The following ANKMY1 variants were observed in gnomAD, a reference collection of about 807,000 sequenced individuals.
The protein encoded by ANKMY1 is ankyrin repeat and MYND domain containing 1, also known as ankyrin repeat and MYND domain-containing protein 1.
A neutral mutation model predicts 102.0 loss-of-function variants in ANKMY1; 98 were observed. The ratio of observed to expected loss-of-function variants is 0.96; its 90% CI spans 0.82 to 1.14. ANKMY1 has a LOEUF of 1.14. Ranked by LOEUF, ANKMY1 falls within the 50% of genes most tolerant of loss-of-function variation. ANKMY1 has a pLI of 0.00. For synonymous variants in ANKMY1, 582 were observed against 559.9 expected (o/e 1.04, Z -0.56); for missense variants, 1,330 against 1,347.6 (o/e 0.99, Z 0.20).
upstream of ANKMY1, chr2:240,560,753 G>T (rs760505115): frequency 6.7e-7 from 1 of 1,500,416 alleles, no homozygotes. Context: ...TGCGCGTCGC[G>T]CCCTCACTCT....
chr2:240,485,347 C>CAAAA (rs1384614782), intron 15 of ANKMY1, among the ~76,000 whole-genome samples: 1 of 146,024 alleles, frequency 6.8e-6, no homozygotes, highest in Non-Finnish European at 1.5e-5. Context: ...AAAAAAGAAA[C>CAAAA]AAAAATAGTC....
chr2:240,474,250 C>T, the ANKMY1 span, among the ~76,000 whole-genome samples: 1 of 149,476 alleles, frequency 6.7e-6, no homozygotes, highest in African/African-American at 2.5e-5. Context: ...CGCCCACCAC[C>T]ATGCCTGGCT....
chr2:240,546,592 C>G (rs2090425142), intron 4 of ANKMY1, among the ~76,000 whole-genome samples: 1 of 152,178 alleles, frequency 6.6e-6, no homozygotes, highest in Non-Finnish European at 1.5e-5. Flanking sequence ...CAAGACCCAT[C>G]AGTGTGCTGT....
chr2:240,526,246 C>T lies in ANKMY1; in HGVS notation c.1153G>A (p.Val385Met), dbSNP rs766821449. ...ADVADAKGYT[V>M]LAAAATHCHN... is the part of the protein sequence containing the mutation. The stretch of plus-strand genomic sequence containing the variant: ...GGGCTTACAGCAGCCGCAGCAAGCA[C>T]AGTGTAGCCCTTTGCGTCCGCCACG... Residue 385 changes from valine (V) to methionine (M), a missense_variant, in exon 6 of 18, where the codon GTG (valine) becomes ATG (methionine). Transcript: ENST00000401804. The T allele has an allele frequency of 1.2e-6, 2 of 1,614,082 alleles. No individual in the cohort carries two copies. Among genetic ancestry groups the T allele is most frequent in the Non-Finnish European group, 1.7e-6 (2 of 1,180,012 alleles).
intron 9 of ANKMY1, among the ~76,000 whole-genome samples, chr2:240,516,622 AT>A (rs1459322472): frequency 6.6e-6 from 1 of 152,224 alleles, no homozygotes. Flanking sequence ...AACTTTTGTC[AT>A]CCACAATTAT....
intron 13 of ANKMY1, 21 bp downstream of exon 13, chr2:240,507,539 C>A (rs1247601382): frequency 1.9e-6 from 3 of 1,594,242 alleles, no homozygotes; most frequent in Non-Finnish European, 2.6e-6. Context: ...ACCAGGGCCA[C>A]CCCAGCCTCC....
chr2:240,473,921 G>A, the ANKMY1 span, among the ~76,000 whole-genome samples: 2 of 152,122 alleles, frequency 1.3e-5, no homozygotes, highest in Non-Finnish European at 2.9e-5. Context: ...ACTCAATAGT[G>A]AAAAGCTGAA....
At chr2:240,485,320 T>C (rs2075919769) in intron 15 of ANKMY1, among the ~76,000 whole-genome samples, 1 of 132,442 alleles carries the variant, frequency 7.6e-6, no homozygotes, top group Non-Finnish European at 1.6e-5. Context: ...AGAGCGAGAC[T>C]CCGTCTCAAA....
chr2:240,496,989 T>C (rs1376417937), intron 15 of ANKMY1, among the ~76,000 whole-genome samples: 3 of 152,252 alleles, frequency 2.0e-5, no homozygotes, highest in African/African-American at 7.2e-5. Context: ...TAGTTTCACC[T>C]ATATTTCCAG....
intron 12 of ANKMY1, 101 bp downstream of exon 12, chr2:240,509,247 A>AGATC: frequency 1.0e-6 from 1 of 991,614 alleles, no homozygotes; most frequent in Non-Finnish European, 1.5e-6. Flanking sequence ...ATGGATGGAT[A>AGATC]AATGGCCAAC....
At chr2:240,526,949 G>A in intron 5 of ANKMY1, 7 of 1,053,088 alleles carry the variant, frequency 6.6e-6, no homozygotes, top group East Asian at 8.0e-5. Flanking sequence ...TCACAATCGA[G>A]AACCTGTGCA....
Position 240,500,572 on chromosome 2 carries a change from A to G in ANKMY1, c.2527-7T>C. On this transcript the variant is annotated splice_polypyrimidine_tract_variant and splice_region_variant and intron_variant, in intron 13 of 17. Coordinates refer to ENST00000401804, the MANE Select transcript of ANKMY1 (RefSeq NM_001282771.3). Reference sequence around the variant, plus strand: ...GACTGATGAGTCGGTCAATCTGTGGAGAACAGAACCAGGTCAAACACGCAA... The same window carrying G: ...GACTGATGAGTCGGTCAATCTGTGGGGAACAGAACCAGGTCAAACACGCAA... 6.2e-7 allele frequency: 1 copy of G among 1,613,040 alleles called. No homozygotes were observed. Among genetic ancestry groups the G allele is most frequent in the Non-Finnish European group, 8.5e-7 (1 of 1,179,160 alleles).
chr2:240,516,866 A>C (rs1187747509), intron 9 of ANKMY1, among the ~76,000 whole-genome samples: 1 of 152,232 alleles, frequency 6.6e-6, no homozygotes, highest in Non-Finnish European at 1.5e-5. Flanking sequence ...GCATGGACTG[A>C]GGTAACGGAG....
intron 12 of ANKMY1, 183 bp from the exon 13 acceptor site, chr2:240,507,874 G>A: frequency 9.7e-6 from 6 of 616,804 alleles, no homozygotes; most frequent in Non-Finnish European, 1.5e-5. Context: ...GTCCCACAGA[G>A]GATGATGCTG....
intron 15 of ANKMY1, among the ~76,000 whole-genome samples, chr2:240,488,806 T>C (rs191211744): frequency 2.0e-5 from 3 of 152,358 alleles, no homozygotes; most frequent in Non-Finnish European, 1.5e-5. Flanking sequence ...GATTTTCTTG[T>C]ATTTTAGTTT....
Position 240,512,897 on chromosome 2 carries a change from C to A in ANKMY1, c.2050G>T (p.Glu684Ter), listed in dbSNP as rs771823035. The change falls in exon 10 of 18, where the codon GAG becomes TAG. Residue 684 changes from glutamate to a stop codon, truncating the protein, a stop_gained. Transcript: ENST00000401804. LOFTEE classifies it high-confidence loss of function. The stretch of plus-strand genomic sequence containing the variant: ...AGCTCCACAATCTGTACCCCCTCCT[C>A]CCCAGGAAGGGCGGCAGCGATGTGG... ...PLHIAAALPG[E>*]EGVQIVELLL... The A allele has an allele frequency of 6.2e-7, 1 of 1,613,996 alleles. No individual in the cohort carries two copies.
intron 4 of ANKMY1, among the ~76,000 whole-genome samples, chr2:240,541,036 G>A (rs1173264415): frequency 1.3e-5 from 2 of 152,184 alleles, no homozygotes; most frequent in Non-Finnish European, 2.9e-5. Flanking sequence ...CTCAATTTGG[G>A]AAATTTTTAA....
rs1431042630 is a variant in ANKMY1, at chr2:240,499,504, G to T, written c.2806+454C>A. On this transcript the variant is annotated intron_variant, in intron 15 of 17. Coordinates refer to ENST00000401804, the MANE Select transcript of ANKMY1 (RefSeq NM_001282771.3). The surrounding 1 kb of genome is among the most constrained non-coding windows in gnomAD (Gnocchi z 4.2). ...TACATGGGGGAGTAGATGTCAGTAG[G>T]TACTGCGTTTGTGGAGTGGGTGCAT... is the stretch of plus-strand genomic sequence containing the variant. 6.6e-6 allele frequency among the ~76,000 whole-genome samples: 1 copy of T among 151,930 alleles called. No homozygotes were observed. The highest frequency in any genetic ancestry group is 1.5e-5 in the Non-Finnish European group (1 of 67,958).
chr2:240,511,796 G>A lies in ANKMY1; in HGVS notation c.2286+65C>T. On this transcript the variant is annotated intron_variant, in intron 11 of 17. Transcript: ENST00000401804. ...AGAACACATGCTTCCGGGGGCACAA[G>A]GCCCTGGAAGGTGGCCCCACCGCTG... The A allele has an allele frequency of 3.3e-6, 5 of 1,496,446 alleles. No homozygotes were observed. In the South Asian group the frequency reaches 6.6e-5, roughly 20 times the overall value. The allele number at this position is 1,496,446 out of a possible 1,614,324, so 92.7% of individuals were successfully genotyped here.
Sources: gnomAD v4.1 joint callset for allele counts (sites outside exome capture counted in the v4.1 genomes callset) on GRCh38, gnomAD v4.1.1 for gene constraint, Gnocchi (gnomAD v3.1) non-coding constraint, MANE v1.5 for transcripts, NCBI Gene and HGNC (gene_info 2026-07-23, HGNC 2026-07-21) for gene names.